The following PDPK1 variants were observed in gnomAD, a reference collection of about 807,000 sequenced individuals.
PDPK1 encodes the protein 3-phosphoinositide dependent protein kinase 1, also known as 3-phosphoinositide-dependent protein kinase 1.
In PDPK1, 7 loss-of-function variants were observed where a neutral mutation model predicts 39.8. The observed-to-expected ratio is 0.18, with a 90% CI of 0.10 to 0.33. The LOEUF is 0.33. Among genes scored for constraint, PDPK1 ranks in the 10% least tolerant of loss-of-function variants. PDPK1 has a pLI of 1.00. For synonymous variants in PDPK1, 118 were observed against 159.1 expected (o/e 0.74, Z 1.95); for missense variants, 182 against 384.7 (o/e 0.47, Z 4.41).
At chr16:2,547,134 C>T (rs1339866540) in intron 1 of PDPK1, among the ~76,000 whole-genome samples, 3 of 149,808 alleles carry the variant, frequency 2.0e-5, no homozygotes, top group South Asian at 2.1e-4. Context: ...TCTGGAGAGC[C>T]GCAGCAGCCA....
At chr16:2,544,574 C>T (rs374569090) in intron 1 of PDPK1, among the ~76,000 whole-genome samples, 1 of 152,022 alleles carries the variant, frequency 6.6e-6, no homozygotes, top group African/African-American at 2.4e-5. Flanking sequence ...ATACATTACC[C>T]CCTCACCTCC....
chr16:2,588,362 A>G (rs894644982), intron 11 of PDPK1, among the ~76,000 whole-genome samples: 1 of 152,156 alleles, frequency 6.6e-6, no homozygotes, highest in Non-Finnish European at 1.5e-5. Context: ...GTGCCTGGCT[A>G]TGCAAGGAGC....
chr16:2,539,983 G>A (rs2066214568), intron 1 of PDPK1, among the ~76,000 whole-genome samples: 1 of 152,212 alleles, frequency 6.6e-6, no homozygotes, highest in Admixed American at 6.5e-5. Flanking sequence ...TAGAATGCAA[G>A]ATGGATTTCC....
chr16:2,553,017 T>A (rs1406696417), intron 1 of PDPK1, among the ~76,000 whole-genome samples: 1 of 145,450 alleles, frequency 6.9e-6, no homozygotes, highest in Non-Finnish European at 1.5e-5. Flanking sequence ...CTCCCCGCCT[T>A]CCCTTGGGGG....
At chr16:2,560,110 C>T (rs1436273330) in intron 2 of PDPK1, among the ~76,000 whole-genome samples, 1 of 151,132 alleles carries the variant, frequency 6.6e-6, no homozygotes, top group African/African-American at 2.4e-5. Context: ...GGGAGGGACA[C>T]GTCACGCGCC....
intron 1 of PDPK1, among the ~76,000 whole-genome samples, chr16:2,544,256 C>A (rs2066293987): frequency 6.6e-6 from 1 of 152,104 alleles, no homozygotes; most frequent in South Asian, 2.1e-4. Flanking sequence ...AAGCAGCATG[C>A]CCAGTATAAC....
chr16:2,597,227 A>G lies in PDPK1; in HGVS notation c.1506A>G (p.Gln502=), dbSNP rs2067121597. 1 of 1,597,430 alleles carries G rather than the reference A, an allele frequency of 6.3e-7. No homozygotes were observed. The change falls in exon 13 of 14, where the codon CAA becomes CAG. Residue 502 remains glutamine (Q), a synonymous_variant. Coordinates refer to ENST00000342085, the MANE Select transcript of PDPK1 (RefSeq NM_002613.5). The surrounding 1 kb of genome is among the most constrained non-coding windows in gnomAD (Gnocchi z 6.3). ...TGAAAGGTGAAATTCCTTGGTCACA[A>G]GAACTTCGACCAGAGGCCAAGAATT... ...KVLKGEIPWS[Q]ELRPEAKNFK... is the part of the protein sequence containing the mutation.
intron 1 of PDPK1, among the ~76,000 whole-genome samples, chr16:2,547,380 G>C (rs2066371088): frequency 9.0e-6 from 1 of 110,840 alleles, no homozygotes; most frequent in Non-Finnish European, 1.7e-5. Context: ...GCTTCCGGCT[G>C]CTTTTCCATG....
chr16:2,593,121 G>A lies in PDPK1; in HGVS notation c.1344-2672G>A, dbSNP rs533855118. 7 of 455,114 alleles carry A rather than the reference G, an allele frequency of 1.5e-5. No homozygotes were observed. Among genetic ancestry groups the A allele is most frequent in the Admixed American group, 7.0e-5 (3 of 42,574 alleles). 28.2% of individuals were successfully genotyped at this position (455,114 alleles called of 1,614,324 possible). On this transcript the variant is annotated intron_variant, in intron 11 of 13. Coordinates refer to ENST00000342085, the MANE Select transcript of PDPK1 (RefSeq NM_002613.5). This position sits in a 1 kb window ranked among gnomAD's most constrained non-coding sequence, Gnocchi z 4.2. ...GAGTCCTCCCCAGGCTGCAGGTGCC[G>A]AGCGGGAGCACCACTCCTGCACGCC...
intron 6 of PDPK1, among the ~76,000 whole-genome samples, chr16:2,573,642 TCG>T (rs1237762904): frequency 1.4e-5 from 1 of 71,340 alleles, no homozygotes; most frequent in Non-Finnish European, 2.5e-5. Flanking sequence ...GGTGGGAGGA[TCG>T]CTTGAACCCG....
chr16:2,597,371 G>GCCC lies in PDPK1; in HGVS notation c.1554+96_1554+97insCCC. 8.7e-7 allele frequency: 1 copy of GCCC among 1,151,154 alleles called. No homozygotes were observed. The highest frequency in any genetic ancestry group is 1.2e-6 in the Non-Finnish European group (1 of 800,518). 71.3% of individuals were successfully genotyped at this position (1,151,154 alleles called of 1,614,324 possible). A position where few individuals can be genotyped will look rare whatever the true frequency, so the allele number is the denominator to read the frequency against. On this transcript the variant is annotated intron_variant, in intron 13 of 13. Transcript: ENST00000342085. This position sits in a 1 kb window ranked among gnomAD's most constrained non-coding sequence, Gnocchi z 6.3. ...CAGGCCTTGGCCAGAGGGAGCAGCG[G>GCCC]GGATCGGGGCAGCTGCCTCGCCCTT...
chr16:2,538,574 A>G, intron 1 of PDPK1: 2 of 1,266,542 alleles, frequency 1.6e-6, no homozygotes, highest in Non-Finnish European at 2.1e-6. Flanking sequence ...AGAAGGTGCA[A>G]GTTCTTGCTG....
rs1486713113 is a variant in PDPK1 at position 2,586,024 on chromosome 16, C to T, written c.1126-652C>T. 9.9e-5 allele frequency among the ~76,000 whole-genome samples: 15 copies of T among 152,218 alleles called. 1 individual carries two copies. The South Asian group carries it at 2.9e-3, about 29-fold the overall frequency. On this transcript the variant is annotated intron_variant, in intron 10 of 13. Coordinates refer to ENST00000342085, the MANE Select transcript of PDPK1 (RefSeq NM_002613.5). ...TCTCTGGCCTTGGCAGTGCCAGGAG[C>T]GTGTTAGTGCACAGGCTGTGTCCGC...
chr16:2,538,091 C>A lies in PDPK1; in HGVS notation c.-22C>A. 1.9e-6 allele frequency: 2 copies of A among 1,050,768 alleles called. No homozygotes were observed. Among genetic ancestry groups the A allele is most frequent in the Non-Finnish European group, 1.1e-6 (1 of 869,756 alleles). 65.1% of individuals were successfully genotyped at this position (1,050,768 alleles called of 1,614,324 possible). A position where few individuals can be genotyped will look rare whatever the true frequency, so the allele number is the denominator to read the frequency against. On this transcript the variant is annotated 5_prime_UTR_variant, in exon 1 of 14. Transcript: ENST00000342085. ...GAGCCGCGCAGCGCTGCGGGGGAGG[C>A]GCCCGCGCCGACGCGGGGCCCATGG...
At chr16:2,592,538 A>G (rs2067010833) in intron 11 of PDPK1, 2 of 326,480 alleles carry the variant, frequency 6.1e-6, no homozygotes, top group Admixed American at 4.4e-5. Context: ...AGCTGGGCCT[A>G]CTGGTGGGTA....
At chr16:2,540,697 C>G (rs529060286) in intron 1 of PDPK1, among the ~76,000 whole-genome samples, 2,876 of 152,206 alleles carry the variant, frequency 0.019, 60 homozygotes, top group African/African-American at 0.065. Context: ...ACCCCGGGGC[C>G]TGTTTCAGCC....
chr16:2,544,063 G>A (rs1189895498), intron 1 of PDPK1, among the ~76,000 whole-genome samples: 2 of 151,962 alleles, frequency 1.3e-5, no homozygotes, highest in Admixed American at 6.6e-5. Flanking sequence ...AGGGAATCAT[G>A]ACAATAAAAA....
chr16:2,585,087 A>G (rs1209997440), intron 10 of PDPK1, among the ~76,000 whole-genome samples: 2 of 152,204 alleles, frequency 1.3e-5, no homozygotes, highest in Non-Finnish European at 1.5e-5. Context: ...GGAGCAGCAC[A>G]GGCTTCAGTT....
At chr16:2,544,976 G>T (rs59334155) in intron 1 of PDPK1, among the ~76,000 whole-genome samples, 12 of 151,194 alleles carry the variant, frequency 7.9e-5, no homozygotes, top group Non-Finnish European at 8.8e-5. Flanking sequence ...TGCCTTCTGA[G>T]CTCAGAAGCT....
Sources: allele counts gnomAD v4.1 joint callset (sites outside exome capture counted in the v4.1 genomes callset), GRCh38; gene constraint gnomAD v4.1.1; non-coding constraint Gnocchi (gnomAD v3.1); transcripts MANE v1.5; gene names NCBI Gene and HGNC (gene_info 2026-07-23, HGNC 2026-07-21).